Variants in SNAP47 observed in about 807,000 individuals in gnomAD.
SNAP47 encodes synaptosomal-associated protein 47.
SNAP47 carries 20 observed loss-of-function variants against 31.4 expected under a neutral mutation model. The observed-to-expected ratio is 0.64, with a 90% CI of 0.45 to 0.93. SNAP47 has a LOEUF of 0.93. Among genes scored for constraint, SNAP47 ranks in the 40% least tolerant of loss-of-function variants. The pLI, the probability that SNAP47 is intolerant of heterozygous loss-of-function variation, is 0.00. For synonymous variants in SNAP47, 194 were observed against 213.4 expected (o/e 0.91, Z 0.79); for missense variants, 492 against 528.5 (o/e 0.93, Z 0.68).
At chr1:227,766,317 G>A (rs1663399252) in intron 3 of SNAP47, among the ~76,000 whole-genome samples, 1 of 152,246 alleles carries the variant, frequency 6.6e-6, no homozygotes, top group Non-Finnish European at 1.5e-5. Flanking sequence ...GGGCCCCGGG[G>A]TGTCAAGGCT....
At chr1:227,770,450 A>G (rs1408408637) in intron 4 of SNAP47, 1 of 153,632 alleles carries the variant, frequency 6.5e-6, no homozygotes, top group Non-Finnish European at 1.5e-5. Flanking sequence ...GTCATGTCCC[A>G]TGTGGACCAG....
chr1:227,769,782 T>C (rs1663674051), intron 4 of SNAP47, among the ~76,000 whole-genome samples: 1 of 152,196 alleles, frequency 6.6e-6, no homozygotes, highest in Admixed American at 6.5e-5. Context: ...TCCGCTTCTC[T>C]TTGCGGCTGT....
intron 4 of SNAP47, among the ~76,000 whole-genome samples, chr1:227,772,576 C>T (rs1257534977): frequency 6.6e-6 from 1 of 152,146 alleles, no homozygotes; most frequent in Non-Finnish European, 1.5e-5. Flanking sequence ...CTGTTTGAGG[C>T]CCTGCTCTCA....
At chr1:227,733,316 C>T, upstream of SNAP47, 1 of 1,341,182 alleles carries the variant, frequency 7.5e-7, no homozygotes, top group Non-Finnish European at 1.0e-6. Flanking sequence ...ATGAGCCACC[C>T]CATTCCAGCC....
intron 4 of SNAP47, among the ~76,000 whole-genome samples, chr1:227,777,924 G>A (rs1019660917): frequency 1.4e-4 from 21 of 152,198 alleles, no homozygotes; most frequent in African/African-American, 4.8e-4. Context: ...AGGACCGGGG[G>A]CAGGTCACCC....
upstream of SNAP47, chr1:227,732,532 C>G: frequency 1.9e-6 from 3 of 1,613,410 alleles, no homozygotes; most frequent in African/African-American, 1.3e-5. Context: ...ATGCGCCCAA[C>G]ATCAAAGGCT....
chr1:227,742,684 C>T (rs992670311), intron 1 of SNAP47, among the ~76,000 whole-genome samples: 3 of 152,206 alleles, frequency 2.0e-5, no homozygotes, highest in African/African-American at 7.2e-5. Flanking sequence ...GGTCCCTCCC[C>T]TCGAAGGCCA....
chr1:227,768,660 A>G (rs922293535), intron 4 of SNAP47, among the ~76,000 whole-genome samples: 3 of 152,236 alleles, frequency 2.0e-5, no homozygotes, highest in African/African-American at 7.2e-5. Flanking sequence ...ACTGCCTGGT[A>G]GGTGTAGCCA....
intron 2 of SNAP47, among the ~76,000 whole-genome samples, chr1:227,755,858 G>A (rs1375744548): frequency 6.8e-6 from 1 of 146,614 alleles, no homozygotes; most frequent in East Asian, 2.3e-4. Context: ...ACAATTGGAG[G>A]AGAACCTGGG....
intron 3 of SNAP47, among the ~76,000 whole-genome samples, chr1:227,761,043 A>G (rs1236455817): frequency 6.6e-6 from 1 of 152,238 alleles, no homozygotes; most frequent in Admixed American, 6.5e-5. Flanking sequence ...ATGTGTATCA[A>G]TGCCTATGTA....
chr1:227,759,642 A>G (rs1662937996), intron 3 of SNAP47, 157 bp downstream of exon 3: 1 of 884,126 alleles, frequency 1.1e-6, no homozygotes, highest in Non-Finnish European at 1.7e-6. Flanking sequence ...CATAAAAACA[A>G]TTCCAGACCA....
chr1:227,735,510 G>A lies in SNAP47; in HGVS notation c.-46+11G>A. ...TCTGGCGTCCCTCAGGTGAGCGACGGTGTTGGTCTGTTGGGCGCCCGGCCC... is the reference window on the plus strand; with the variant it reads ...TCTGGCGTCCCTCAGGTGAGCGACGATGTTGGTCTGTTGGGCGCCCGGCCC... On this transcript the variant is annotated intron_variant, in intron 1 of 4. Transcript: ENST00000617596. 1 of 1,392,662 alleles carries A rather than the reference G, an allele frequency of 7.2e-7. No homozygotes were observed. The allele number at this position is 1,392,662 out of a possible 1,614,324, so 86.3% of individuals were successfully genotyped here.
At chr1:227,777,210 G>A (rs1443510688) in intron 4 of SNAP47, 2 of 586,502 alleles carry the variant, frequency 3.4e-6, no homozygotes. Flanking sequence ...GGGTTACGTA[G>A]TGAAGTTTTC....
chr1:227,768,709 C>CA (rs1317212705), intron 4 of SNAP47, among the ~76,000 whole-genome samples: 4 of 152,236 alleles, frequency 2.6e-5, no homozygotes, highest in African/African-American at 9.6e-5. Context: ...CAGATACACT[C>CA]ACTGCCTCCA....
At position 227,739,534 on chromosome 1, in the gene SNAP47, T is replaced by C. The variant is rs780001088; in HGVS notation, c.-46+4035T>C. Among the ~76,000 whole-genome samples the C allele has an allele frequency of 1.1e-3, 167 of 152,300 alleles. 1 individual carries two copies. The highest frequency in any genetic ancestry group is 8.2e-3 in the Admixed American group (125 of 15,298). Reference sequence around the variant, plus strand: ...GATTGGCCGCACCCTACCGCCCCTGTGGGCACACACAGCCACCACTGTTCT... The same window carrying C: ...GATTGGCCGCACCCTACCGCCCCTGCGGGCACACACAGCCACCACTGTTCT... On this transcript the variant is annotated intron_variant, in intron 1 of 4. Coordinates refer to ENST00000617596, the MANE Select transcript of SNAP47 (RefSeq NM_053052.4).
chr1:227,775,657 G>T, intron 4 of SNAP47: 2 of 880,008 alleles, frequency 2.3e-6, no homozygotes, highest in South Asian at 3.1e-5. Context: ...AATGGTGCGC[G>T]CATGGACACA....
In SNAP47 at chr1:227,750,438, C is replaced by A. The variant is rs561657643; in HGVS notation, c.497+2205C>A. Among the ~76,000 whole-genome samples the A allele has an allele frequency of 3.3e-5, 5 of 152,378 alleles. No homozygotes were observed. The East Asian group carries it at 9.6e-4, about 29-fold the overall frequency. On this transcript the variant is annotated intron_variant, in intron 2 of 4. Transcript: ENST00000617596. ...TCATGGACACACACCATCACAGACACGTGCAGAGTAGTGCTTGACGACTGG... is the reference window on the plus strand; with the variant it reads ...TCATGGACACACACCATCACAGACAAGTGCAGAGTAGTGCTTGACGACTGG...
intron 3 of SNAP47, among the ~76,000 whole-genome samples, chr1:227,765,135 C>T (rs1663310345): frequency 6.6e-6 from 1 of 152,218 alleles, no homozygotes; most frequent in African/African-American, 2.4e-5. Context: ...CAGCTCCCAA[C>T]ACCCAGCAAG....
At chr1:227,751,482 C>T (rs974082984) in intron 2 of SNAP47, among the ~76,000 whole-genome samples, 3 of 152,224 alleles carry the variant, frequency 2.0e-5, no homozygotes, top group Non-Finnish European at 4.4e-5. Context: ...AGAGTTCTTT[C>T]CCGCCAGGCA....
Sources: gnomAD v4.1 joint callset for allele counts (sites outside exome capture counted in the v4.1 genomes callset) on GRCh38, gnomAD v4.1.1 for gene constraint, MANE v1.5 for transcripts, NCBI Gene and HGNC (gene_info 2026-07-23, HGNC 2026-07-21) for gene names.